The following NIM1K variants were observed in gnomAD, a reference collection of about 807,000 sequenced individuals.
The protein encoded by NIM1K is serine/threonine-protein kinase NIM1.
A neutral mutation model predicts 37.1 loss-of-function variants in NIM1K; 35 were observed. The ratio of observed to expected loss-of-function variants is 0.94; its 90% CI spans 0.72 to 1.25. NIM1K has a LOEUF of 1.25. Among genes scored for constraint, NIM1K ranks in the 50% most tolerant of loss-of-function variants. The pLI is 0.00. For missense variants in NIM1K, 564 were observed against 548.0 expected, an observed-to-expected ratio of 1.03 and a Z score of -0.29; for synonymous variants, 234 against 206.6, an observed-to-expected ratio of 1.13 and a Z score of -1.14.
chr5:43,252,829 G>C (rs1359853257), intron 2 of NIM1K, among the ~76,000 whole-genome samples: 1 of 152,072 alleles, frequency 6.6e-6, no homozygotes, highest in Admixed American at 6.6e-5. Context: ...ACAAACAAAA[G>C]AAGTGGCAGC....
At chr5:43,254,523 T>C (rs1182021727) in intron 2 of NIM1K, among the ~76,000 whole-genome samples, 3 of 152,334 alleles carry the variant, frequency 2.0e-5, no homozygotes, top group African/African-American at 7.2e-5. Flanking sequence ...ATGTGTGTTA[T>C]AAATAATAAA....
intron 2 of NIM1K, among the ~76,000 whole-genome samples, chr5:43,273,828 G>A (rs1753295650): frequency 6.6e-6 from 1 of 152,050 alleles, no homozygotes; most frequent in African/African-American, 2.4e-5. Context: ...TCCATTCTCT[G>A]TCTGTATCTC....
chr5:43,222,169 C>T (rs913105356), intron 1 of NIM1K, among the ~76,000 whole-genome samples: 4 of 152,116 alleles, frequency 2.6e-5, no homozygotes, highest in African/African-American at 9.7e-5. Context: ...GCCTTATGTC[C>T]CACATTCCCC....
intron 1 of NIM1K, among the ~76,000 whole-genome samples, chr5:43,205,805 C>T (rs576284798): frequency 3.3e-5 from 5 of 152,204 alleles, no homozygotes; most frequent in Admixed American, 6.5e-5. Context: ...CTCCACCTCC[C>T]GGGTTCACGC....
intron 1 of NIM1K, among the ~76,000 whole-genome samples, chr5:43,238,741 CTT>C (rs1752655852): frequency 6.6e-6 from 1 of 151,770 alleles, no homozygotes; most frequent in Admixed American, 6.6e-5. Context: ...TTCAGAAAGT[CTT>C]TTCTCTTGAG....
chr5:43,255,430 A>G (rs1048073989), intron 2 of NIM1K, among the ~76,000 whole-genome samples: 1 of 152,184 alleles, frequency 6.6e-6, no homozygotes, highest in Non-Finnish European at 1.5e-5. Flanking sequence ...TAAAATATTC[A>G]TTGTATTATG....
chr5:43,194,162 C>T (rs560046729), intron 1 of NIM1K, among the ~76,000 whole-genome samples: 2 of 152,276 alleles, frequency 1.3e-5, no homozygotes, highest in South Asian at 2.1e-4. Flanking sequence ...AGATGTTCCA[C>T]GAATCCTGGC....
intron 1 of NIM1K, among the ~76,000 whole-genome samples, chr5:43,221,430 G>A (rs1477634369): frequency 7.5e-6 from 1 of 133,020 alleles, no homozygotes; most frequent in African/African-American, 2.8e-5. Flanking sequence ...CAGCCTGGGT[G>A]ATGAGTGAGA....
At chr5:43,233,118 G>T in intron 1 of NIM1K, 1 of 1,344,684 alleles carries the variant, frequency 7.4e-7, no homozygotes, top group Non-Finnish European at 1.1e-6. Context: ...GCTCCCAGCA[G>T]GCATTGCCAA....
chr5:43,219,388 C>A (rs993989219), intron 1 of NIM1K, among the ~76,000 whole-genome samples: 8 of 152,058 alleles, frequency 5.3e-5, no homozygotes, highest in Admixed American at 3.3e-4. Flanking sequence ...AAGGCATGAA[C>A]CACCACACCT....
At chr5:43,265,303 G>A (rs1312804044) in intron 2 of NIM1K, among the ~76,000 whole-genome samples, 3 of 152,058 alleles carry the variant, frequency 2.0e-5, no homozygotes, top group African/African-American at 7.3e-5. Context: ...TTTCTTGGAG[G>A]CTTTGTTTAT....
chr5:43,212,733 C>T (rs1450770312), intron 1 of NIM1K, among the ~76,000 whole-genome samples: 2 of 152,182 alleles, frequency 1.3e-5, no homozygotes, highest in East Asian at 3.8e-4. Context: ...AGGCCCCAGG[C>T]AGCAGCTAAA....
intron 1 of NIM1K, among the ~76,000 whole-genome samples, chr5:43,244,374 A>G (rs1752747349): frequency 1.3e-5 from 2 of 152,256 alleles, no homozygotes; most frequent in African/African-American, 4.8e-5. Context: ...CTGAGATGGG[A>G]CATTTTGGAA....
chr5:43,206,615 C>T (rs568837654), intron 1 of NIM1K: 1 of 644,174 alleles, frequency 1.6e-6, no homozygotes, highest in East Asian at 2.9e-5. Flanking sequence ...TCCTGGCCTC[C>T]CTGGTGCAGC....
chr5:43,267,265 C>A (rs1489876035), intron 2 of NIM1K, among the ~76,000 whole-genome samples: 1 of 152,148 alleles, frequency 6.6e-6, no homozygotes, highest in Non-Finnish European at 1.5e-5. Context: ...TCATAGTAAT[C>A]TCAACTGATC....
intron 2 of NIM1K, among the ~76,000 whole-genome samples, chr5:43,268,356 G>GT (rs1481424795): frequency 6.6e-6 from 1 of 152,196 alleles, no homozygotes; most frequent in African/African-American, 2.4e-5. Flanking sequence ...TCAAAGGCTT[G>GT]TTGGTTAGGG....
At chr5:43,270,474 T>C in intron 2 of NIM1K, among the ~76,000 whole-genome samples, 1 of 152,210 alleles carries the variant, frequency 6.6e-6, no homozygotes. Context: ...GAGGAAATTC[T>C]CCTCTATTGC....
intron 1 of NIM1K, chr5:43,232,701 G>A (rs2112244985): frequency 4.8e-6 from 7 of 1,453,750 alleles, no homozygotes; most frequent in Admixed American, 2.0e-5. Flanking sequence ...AATCAACCGG[G>A]AGTTGTTCCA....
intron 1 of NIM1K, among the ~76,000 whole-genome samples, chr5:43,194,083 C>A (rs1029389720): frequency 2.0e-5 from 3 of 152,092 alleles, no homozygotes; most frequent in Admixed American, 6.6e-5. Flanking sequence ...TTAAATGGCC[C>A]CAAATAGTCA....
Sources: allele counts gnomAD v4.1 joint callset (sites outside exome capture counted in the v4.1 genomes callset), GRCh38; gene constraint gnomAD v4.1.1; transcripts MANE v1.5; gene names NCBI Gene and HGNC (gene_info 2026-07-23, HGNC 2026-07-21).